The following FHIT variants were observed in gnomAD, a reference collection of about 807,000 sequenced individuals.
FHIT encodes fragile histidine triad diadenosine triphosphatase, also known as bis(5'-adenosyl)-triphosphatase.
In FHIT, 19 loss-of-function variants were observed where a neutral mutation model predicts 17.9. That is an observed-to-expected ratio of 1.06 (90% CI 0.74 to 1.56). The LOEUF is 1.56. Ranked by LOEUF, FHIT falls within the 40% of genes most tolerant of loss-of-function variation. FHIT has a pLI of 0.00. For missense variants in FHIT, 248 were observed against 189.2 expected, an observed-to-expected ratio of 1.31 and a Z score of -1.82; for synonymous variants, 81 against 69.7, an observed-to-expected ratio of 1.16 and a Z score of -0.81.
intron 4 of FHIT, among the ~76,000 whole-genome samples, chr3:60,577,292 G>T (rs1431038067): frequency 1.3e-5 from 2 of 152,060 alleles, no homozygotes; most frequent in African/African-American, 4.8e-5. Context: ...AAGAACATAG[G>T]CTTTCCAAAT....
At chr3:60,351,739 T>A (rs1324796504) in intron 5 of FHIT, among the ~76,000 whole-genome samples, 1 of 152,178 alleles carries the variant, frequency 6.6e-6, no homozygotes, top group East Asian at 1.9e-4. Flanking sequence ...AATCTAATAG[T>A]CTAGTACTCA....
rs549647075 is a variant in FHIT, at chr3:60,237,411, G to C, written c.104-223259C>G. ...GAAATATACCAAGTGACTGCTAACA[G>C]CCTCCTACCTAACTCCTTTCAGCTT... is the stretch of plus-strand genomic sequence containing the variant. On this transcript the variant is annotated intron_variant, in intron 5 of 9. Transcript: ENST00000492590. Among the ~76,000 whole-genome samples, 225 of 152,098 alleles carry C rather than the reference G, an allele frequency of 1.5e-3. 1 individual carries two copies. Among genetic ancestry groups the C allele is most frequent in the African/African-American group, 5.2e-3 (217 of 41,504 alleles).
chr3:59,766,805 G>A (rs1285978284), intron 8 of FHIT, among the ~76,000 whole-genome samples: 1 of 152,142 alleles, frequency 6.6e-6, no homozygotes, highest in African/African-American at 2.4e-5. Context: ...AGGAAACACA[G>A]ACAAGACGTT....
chr3:59,969,516 G>C (rs1181279845), intron 7 of FHIT, among the ~76,000 whole-genome samples: 2 of 152,030 alleles, frequency 1.3e-5, no homozygotes, highest in African/African-American at 2.4e-5. Flanking sequence ...TGAAGTGCTT[G>C]TTTGCTTTTC....
chr3:60,524,605 GTCATGGTTT>G (rs1351236309), intron 5 of FHIT, among the ~76,000 whole-genome samples: 1 of 152,198 alleles, frequency 6.6e-6, no homozygotes, highest in East Asian at 1.9e-4. Context: ...CATTGATGCT[GTCATGGTTT>G]TGGAGGCCAG....
chr3:60,508,240 T>TGTGA (rs2034812801), intron 5 of FHIT, among the ~76,000 whole-genome samples: 1 of 152,186 alleles, frequency 6.6e-6, no homozygotes, highest in Non-Finnish European at 1.5e-5. Context: ...AGATCAGCAC[T>TGTGA]GTGAATACAG....
chr3:60,323,840 C>T (rs1166101150), intron 5 of FHIT, among the ~76,000 whole-genome samples: 1 of 152,206 alleles, frequency 6.6e-6, no homozygotes, highest in Non-Finnish European at 1.5e-5. Context: ...GCCTGAGGCT[C>T]TGAGCCTGGG....
intron 1 of FHIT, among the ~76,000 whole-genome samples, chr3:61,211,649 G>A (rs1450769133): frequency 6.6e-6 from 1 of 152,238 alleles, no homozygotes; most frequent in Non-Finnish European, 1.5e-5. Flanking sequence ...TTTGAAGAGA[G>A]CAGTGGTTCT....
chr3:60,369,986 C>T (rs924657298), intron 5 of FHIT, among the ~76,000 whole-genome samples: 1 of 152,108 alleles, frequency 6.6e-6, no homozygotes. Flanking sequence ...TTTTAAGGTA[C>T]ATAAAAAAAG....
chr3:60,585,695 C>T (rs1259637916), intron 4 of FHIT, among the ~76,000 whole-genome samples: 1 of 152,006 alleles, frequency 6.6e-6, no homozygotes, highest in African/African-American at 2.4e-5. Context: ...TTGAAACACA[C>T]CTTCCGGTCA....
At chr3:60,150,596 A>G (rs1242613157) in intron 5 of FHIT, among the ~76,000 whole-genome samples, 1 of 152,204 alleles carries the variant, frequency 6.6e-6, no homozygotes, top group Non-Finnish European at 1.5e-5. Context: ...CGCTGAGACT[A>G]TAGGTGTGCA....
intron 5 of FHIT, among the ~76,000 whole-genome samples, chr3:60,124,009 T>TATATAGAG (rs1384962194): frequency 2.5e-4 from 3 of 12,156 alleles, no homozygotes; most frequent in African/African-American, 3.1e-4. Flanking sequence ...TATATATATA[T>TATATAGAG]AGAGAGAGAG....
intron 5 of FHIT, among the ~76,000 whole-genome samples, chr3:60,173,796 A>G (rs1701523960): frequency 1.3e-5 from 2 of 149,774 alleles, no homozygotes; most frequent in African/African-American, 2.5e-5. Flanking sequence ...GAGAAAATCG[A>G]GAAAAGGACA....
chr3:60,441,740 A>ATATTTG (rs1559915982), intron 5 of FHIT, among the ~76,000 whole-genome samples: 2 of 94,236 alleles, frequency 2.1e-5, no homozygotes, highest in Admixed American at 1.4e-4. Flanking sequence ...TTATATATAT[A>ATATTTG]TATTTATATA....
At chr3:61,093,196 C>G (rs2035539243) in intron 2 of FHIT, among the ~76,000 whole-genome samples, 1 of 152,176 alleles carries the variant, frequency 6.6e-6, no homozygotes, top group South Asian at 2.1e-4. Context: ...GACACTTTTT[C>G]TGGCAAACAA....
At chr3:60,898,429 C>T (rs964308563) in intron 3 of FHIT, among the ~76,000 whole-genome samples, 2 of 152,122 alleles carry the variant, frequency 1.3e-5, no homozygotes, top group East Asian at 1.9e-4. Context: ...TTTTGATATA[C>T]GTGGTCAAGT....
intron 5 of FHIT, among the ~76,000 whole-genome samples, chr3:60,164,584 G>A (rs1472783091): frequency 6.6e-6 from 1 of 150,908 alleles, no homozygotes; most frequent in Non-Finnish European, 1.5e-5. Flanking sequence ...ATGCTGACTT[G>A]CCATCATTAT....
At chr3:60,991,462 A>T (rs1344006337) in intron 3 of FHIT, among the ~76,000 whole-genome samples, 2 of 152,228 alleles carry the variant, frequency 1.3e-5, no homozygotes, top group Non-Finnish European at 2.9e-5. Context: ...TATTTTAAAA[A>T]TTACAGCTGT....
At chr3:60,714,233 AC>A (rs782622484) in intron 4 of FHIT, among the ~76,000 whole-genome samples, 1,915 of 152,210 alleles carry the variant, frequency 0.013, 18 homozygotes, top group South Asian at 0.033. Flanking sequence ...AAATTCAACA[AC>A]CCTTCATGCT....
Sources: allele counts gnomAD v4.1 joint callset (sites outside exome capture counted in the v4.1 genomes callset), GRCh38; gene constraint gnomAD v4.1.1; transcripts MANE v1.5; gene names NCBI Gene and HGNC (gene_info 2026-07-23, HGNC 2026-07-21).